Variants in CCL25 observed in about 807,000 individuals in gnomAD.
The protein encoded by CCL25 is C-C motif chemokine 25.
CCL25 carries 14 observed loss-of-function variants against 19.9 expected under a neutral mutation model. The ratio of observed to expected loss-of-function variants is 0.70; its 90% CI spans 0.47 to 1.10. The LOEUF (loss-of-function observed/expected upper bound fraction) is 1.10, where lower values mean the gene tolerates loss of function less well. Among genes scored for constraint, CCL25 ranks in the 50% least tolerant of loss-of-function variants. The pLI, the probability that CCL25 is intolerant of heterozygous loss-of-function variation, is 0.00. For synonymous variants in CCL25, 68 were observed against 73.2 expected (o/e 0.93, Z 0.36); for missense variants, 151 against 181.2 (o/e 0.83, Z 0.96).
At chr19:8,057,134 C>T (rs912702721) in intron 4 of CCL25, among the ~76,000 whole-genome samples, 1 of 143,104 alleles carries the variant, frequency 7.0e-6, no homozygotes, top group Non-Finnish European at 1.5e-5. Flanking sequence ...GATTCTCCCG[C>T]CTCAGCCCCC....
upstream of CCL25, chr19:8,052,740 A>G (rs996918039): frequency 4.8e-5 from 17 of 356,486 alleles, no homozygotes; most frequent in Middle Eastern, 2.2e-3. Flanking sequence ...ATAAAGAGTG[A>G]AGCTCAGCGT....
intron 5 of CCL25, among the ~76,000 whole-genome samples, chr19:8,060,982 A>ATTTTTTTT: frequency 1.1e-5 from 1 of 95,164 alleles, no homozygotes; most frequent in Non-Finnish European, 2.0e-5. Flanking sequence ...GCCCGGCCTA[A>ATTTTTTTT]TTTTTTTTTT....
chr19:8,054,423 G>A (rs1034576958), intron 2 of CCL25, among the ~76,000 whole-genome samples: 39 of 152,228 alleles, frequency 2.6e-4, no homozygotes, highest in African/African-American at 2.4e-4. Flanking sequence ...CTCAGAGGCC[G>A]CGGTTGGGAG....
At position 8,058,832 on chromosome 19, in the gene CCL25, G is replaced by A. The variant is rs578002003; in HGVS notation, c.445+912G>A. On this transcript the variant is annotated intron_variant, in intron 5 of 5. Transcript: ENST00000315626. ...CGCCACCACGCTGGGCTAATTTTTT[G>A]TATTTTTAGTAGAGACGGGGTTTCA... is the stretch of plus-strand genomic sequence containing the variant. Among the ~76,000 whole-genome samples the A allele has an allele frequency of 1.0e-4, 14 of 140,038 alleles. 2 individuals carry two copies. The South Asian group carries it at 2.3e-3, about 23-fold the overall frequency. The allele number at this position is 140,038 out of a possible 152,430, so 91.9% of individuals were successfully genotyped here.
intron 3 of CCL25, 32 bp downstream of exon 3, chr19:8,056,301 G>GCC: frequency 1.8e-6 from 1 of 549,178 alleles, no homozygotes; most frequent in Non-Finnish European, 3.6e-6. Context: ...GGGGGGGTGG[G>GCC]GTGCACACAC....
intron 2 of CCL25, among the ~76,000 whole-genome samples, chr19:8,055,392 G>A (rs745350239): frequency 1.6e-4 from 24 of 148,802 alleles, no homozygotes; most frequent in Non-Finnish European, 2.2e-4. Flanking sequence ...CTGGAGTGCA[G>A]TGGCGCGATC....
intron 5 of CCL25, among the ~76,000 whole-genome samples, chr19:8,059,128 TAAA>T (rs1215263023): frequency 1.0e-5 from 1 of 98,096 alleles, no homozygotes; most frequent in African/African-American, 4.2e-5. Context: ...TAAATATATA[TAAA>T]TATATATTAT....
rs1207679145 is a variant in CCL25, at chr19:8,056,439, C to T, written c.265C>T (p.Leu89Phe). 6.2e-7 allele frequency: 1 copy of T among 1,614,130 alleles called. No homozygotes were observed. Among genetic ancestry groups the T allele is most frequent in the Admixed American group, 1.7e-5 (1 of 60,004 alleles). Residue 89 changes from leucine to phenylalanine, a missense_variant, in exon 4 of 6, where the codon CTC becomes TTC. Leu to Phe is a conservative substitution (Grantham distance 22). Coordinates refer to ENST00000315626, the MANE Select transcript of CCL25 (RefSeq NM_005624.4). ...KSREVQRAMK[L>F]LDARNKVFAK... ...CAGGGAGGTGCAGAGAGCCATGAAG[C>T]TCCTGGATGCTCGAAATAAGGTTTT...
rs749672935 is a variant in CCL25 at position 8,053,101 on chromosome 19, G to GC, written c.57dup (p.Ala20ArgfsTer9). On this transcript the variant is annotated frameshift_variant, in exon 2 of 6. Transcript: ENST00000315626. LOFTEE classifies it high-confidence loss of function. Reference sequence around the variant, plus strand: ...GGTGGCCGGCTTCCTGGGAGCCTGGGCCCCCGCTGTCCACACCCAAGGTAC... The same window carrying GC: ...GGTGGCCGGCTTCCTGGGAGCCTGGGCCCCCCGCTGTCCACACCCAAGGTAC... 7.1e-6 allele frequency: 11 copies of GC among 1,556,362 alleles called. No individual in the cohort carries two copies. The highest frequency in any genetic ancestry group is 8.7e-6 in the Non-Finnish European group (10 of 1,149,856).
intron 5 of CCL25, among the ~76,000 whole-genome samples, chr19:8,061,074 T>A (rs903320767): frequency 6.8e-6 from 1 of 146,570 alleles, no homozygotes; most frequent in African/African-American, 2.5e-5. Flanking sequence ...AACCTCTGCC[T>A]CCAGGGTGGG....
chr19:8,060,255 T>C (rs917605811), intron 5 of CCL25, among the ~76,000 whole-genome samples: 17 of 151,214 alleles, frequency 1.1e-4, no homozygotes, highest in African/African-American at 4.1e-4. Context: ...GTGAGAGGAT[T>C]ACTTGAGCCC....
intron 2 of CCL25, 115 bp downstream of exon 2, chr19:8,053,237 T>C: frequency 1.7e-6 from 1 of 579,544 alleles, no homozygotes; most frequent in Non-Finnish European, 2.9e-6. Context: ...CACTGAATTC[T>C]CCCGCTCCTG....
chr19:8,053,000 G>A lies in CCL25; in HGVS notation c.-50G>A, dbSNP rs2081242758. On this transcript the variant is annotated splice_region_variant and 5_prime_UTR_variant, in exon 2 of 6. It adds an upstream start codon to the 5' untranslated region. Coordinates refer to ENST00000315626, the MANE Select transcript of CCL25 (RefSeq NM_005624.4). ...TTACCACTTCCCTCCACGACCCCAG[G>A]TGGCCCCGTTATTCGTCCAGGTGCC... 7.3e-7 allele frequency: 1 copy of A among 1,360,950 alleles called. No homozygotes were observed. Among genetic ancestry groups the A allele is most frequent in the East Asian group, 2.5e-5 (1 of 39,844 alleles). The allele number at this position is 1,360,950 out of a possible 1,614,324, so 84.3% of individuals were successfully genotyped here.
At chr19:8,055,958 G>A (rs1159838228) in intron 2 of CCL25, among the ~76,000 whole-genome samples, 194 bp from the exon 3 acceptor site, 2 of 152,138 alleles carry the variant, frequency 1.3e-5, no homozygotes, top group Admixed American at 1.3e-4. Context: ...CCAACCTCTG[G>A]CTGTCCCAAT....
intron 5 of CCL25, among the ~76,000 whole-genome samples, chr19:8,059,812 G>C (rs780772788): frequency 6.6e-6 from 1 of 151,942 alleles, no homozygotes; most frequent in Non-Finnish European, 1.5e-5. Context: ...CAGGATGGCC[G>C]GGCGCGGTGG....
In CCL25 at chr19:8,062,358, GT is replaced by G; in HGVS notation, c.*134del. ...AGTCTTAATCCCTGCACCTGAGTTG[GT>G]CCTCCCTCTGCACCCCCACCACCTC... On this transcript the variant is annotated 3_prime_UTR_variant, in exon 6 of 6. Transcript: ENST00000315626. The G allele has an allele frequency of 5.3e-6, 5 of 952,124 alleles. No individual in the cohort carries two copies. Among genetic ancestry groups the G allele is most frequent in the Non-Finnish European group, 8.3e-6 (5 of 603,234 alleles). 59.0% of individuals were successfully genotyped at this position (952,124 alleles called of 1,614,324 possible).
intron 3 of CCL25, 25 bp from the exon 4 acceptor site, chr19:8,056,341 G>T (rs1677453437): frequency 6.2e-7 from 1 of 1,612,112 alleles, no homozygotes; most frequent in Non-Finnish European, 8.5e-7. Context: ...ACCCTAACCT[G>T]GGCACCCCCC....
rs2145289940 is a variant in CCL25, at chr19:8,057,797, C to T, written c.326-4C>T. ...CTTGCTTATTTCTCTCTCCATTTCT[C>T]CAGCAGGCCCTCATGCTGTAAAGAA... is the stretch of plus-strand genomic sequence containing the variant. On this transcript the variant is annotated splice_polypyrimidine_tract_variant and splice_region_variant and intron_variant, in intron 4 of 5. Transcript: ENST00000315626. 6 of 1,611,440 alleles carry T rather than the reference C, an allele frequency of 3.7e-6. No homozygotes were observed. Among genetic ancestry groups the T allele is most frequent in the Non-Finnish European group, 5.1e-6 (6 of 1,178,464 alleles).
intron 5 of CCL25, 133 bp downstream of exon 5, chr19:8,058,053 GCA>G (rs1432670348): frequency 1.6e-5 from 22 of 1,412,522 alleles, no homozygotes; most frequent in Non-Finnish European, 2.0e-5. Flanking sequence ...GGTCAGTGCC[GCA>G]GATTCACAGG....
Sources: allele counts gnomAD v4.1 joint callset (sites outside exome capture counted in the v4.1 genomes callset), GRCh38; gene constraint gnomAD v4.1.1; transcripts MANE v1.5; gene names NCBI Gene and HGNC (gene_info 2026-07-23, HGNC 2026-07-21).